The following IL17RD variants were observed in gnomAD, a reference collection of about 807,000 sequenced individuals.
IL17RD encodes the protein interleukin-17 receptor D.
Under a neutral mutation model 80.5 loss-of-function variants are expected in IL17RD, and 52 were observed. The ratio of observed to expected loss-of-function variants is 0.65; its 90% confidence interval spans 0.52 to 0.81. The LOEUF is 0.81. Ranked by LOEUF, IL17RD falls within the 40% of genes least tolerant of loss-of-function variation. IL17RD has a pLI of 0.00. For missense variants in IL17RD, 1,024 were observed against 955.1 expected (o/e 1.07, Z -0.95); for synonymous variants, 416 against 391.8 (o/e 1.06, Z -0.73).
chr3:57,116,834 G>A (rs544557005), intron 2 of IL17RD, among the ~76,000 whole-genome samples: 67 of 149,572 alleles, frequency 4.5e-4, no homozygotes, highest in African/African-American at 1.6e-3. Flanking sequence ...CATGAGTTCT[G>A]AATCAGAGGT....
At chr3:57,144,072 G>A (rs1348081385) in intron 1 of IL17RD, among the ~76,000 whole-genome samples, 1 of 152,148 alleles carries the variant, frequency 6.6e-6, no homozygotes, top group Admixed American at 6.5e-5. Context: ...TCAGCCCAGG[G>A]CAGAATGAGG....
At chr3:57,134,326 G>A (rs577800383) in intron 1 of IL17RD, 34 of 688,754 alleles carry the variant, frequency 4.9e-5, no homozygotes, top group East Asian at 1.1e-4. Flanking sequence ...GCTTGATGCC[G>A]GGAAAACACC....
At chr3:57,101,889 T>C (rs976977031) in intron 10 of IL17RD, among the ~76,000 whole-genome samples, 1 of 152,204 alleles carries the variant, frequency 6.6e-6, no homozygotes, top group African/African-American at 2.4e-5. Flanking sequence ...CTTTTGTAAA[T>C]GACCAAGCCC....
At chr3:57,139,929 C>G (rs1707798539) in intron 1 of IL17RD, among the ~76,000 whole-genome samples, 1 of 152,100 alleles carries the variant, frequency 6.6e-6, no homozygotes, top group Non-Finnish European at 1.5e-5. Flanking sequence ...AAACTCAACT[C>G]CTGGTTTTAC....
At chr3:57,124,033 A>T (rs1213410920) in intron 1 of IL17RD, among the ~76,000 whole-genome samples, 1 of 152,212 alleles carries the variant, frequency 6.6e-6, no homozygotes, top group Non-Finnish European at 1.5e-5. Context: ...TGACAAGAAC[A>T]AAACTCCATC....
At chr3:57,109,723 C>A in intron 4 of IL17RD, 66 bp from the exon 5 acceptor site, 1 of 1,518,738 alleles carries the variant, frequency 6.6e-7, no homozygotes, top group Non-Finnish European at 8.9e-7. Flanking sequence ...TTCATAAGGT[C>A]TTCGCTCCTA....
intron 1 of IL17RD, chr3:57,142,325 T>C (rs1225856999): frequency 2.4e-6 from 1 of 408,176 alleles, no homozygotes; most frequent in East Asian, 7.6e-5. Flanking sequence ...AAAAACAGTG[T>C]CCAGATGTGC....
upstream of IL17RD, among the ~76,000 whole-genome samples, chr3:57,169,787 G>C (rs573018829): frequency 6.6e-6 from 1 of 152,286 alleles, no homozygotes; most frequent in Admixed American, 6.5e-5. Flanking sequence ...CCCAGGCTTT[G>C]GAGGGAGCAG....
upstream of IL17RD, among the ~76,000 whole-genome samples, chr3:57,167,042 C>G (rs2107552758): frequency 6.6e-6 from 1 of 152,320 alleles, no homozygotes; most frequent in East Asian, 1.9e-4. Flanking sequence ...CATCTAGAAC[C>G]AAGGAGTAGA....
At chr3:57,151,337 C>T (rs1391867667) in intron 1 of IL17RD, among the ~76,000 whole-genome samples, 1 of 152,056 alleles carries the variant, frequency 6.6e-6, no homozygotes, top group African/African-American at 2.4e-5. Context: ...ATCCACAGAC[C>T]ATCAGTGAGT....
At chr3:57,112,884 G>A (rs999966806) in intron 3 of IL17RD, among the ~76,000 whole-genome samples, 2 of 152,210 alleles carry the variant, frequency 1.3e-5, no homozygotes, top group African/African-American at 4.8e-5. Context: ...CAAAGCGGCA[G>A]TCCTGAGAAC....
rs116821591 is a variant in IL17RD at position 57,117,768 on chromosome 3, C to G, written c.184+2488G>C. On this transcript the variant is annotated intron_variant, in intron 2 of 12. Coordinates refer to ENST00000296318, the MANE Select transcript of IL17RD (RefSeq NM_017563.5). ...TATGGAATAAGTTTTTCTACACAGC[C>G]TGGATCCAATTACTAGCAAGTCCAA... 9.7e-3 allele frequency among the ~76,000 whole-genome samples: 1,474 copies of G among 152,248 alleles called. 13 individuals carry two copies. Among genetic ancestry groups the G allele is most frequent in the African/African-American group, 0.034 (1,411 of 41,534 alleles).
chr3:57,102,457 G>GAC, intron 10 of IL17RD, 22 bp downstream of exon 10: 1 of 1,385,590 alleles, frequency 7.2e-7, no homozygotes, highest in Non-Finnish European at 1.0e-6. Context: ...GTTGTGGGGA[G>GAC]ACACAGCACA....
At chr3:57,113,911 C>T (rs372125507) in intron 3 of IL17RD, among the ~76,000 whole-genome samples, 40 of 151,992 alleles carry the variant, frequency 2.6e-4, no homozygotes, top group Non-Finnish European at 4.4e-4. Flanking sequence ...TAAAGCTGGG[C>T]GCAGTGGCTC....
At chr3:57,149,801 C>G (rs114871649) in intron 1 of IL17RD, among the ~76,000 whole-genome samples, 234 of 152,302 alleles carry the variant, frequency 1.5e-3, no homozygotes, top group African/African-American at 5.3e-3. Flanking sequence ...GTGACACTCT[C>G]TCATAGCTGG....
intron 1 of IL17RD, among the ~76,000 whole-genome samples, chr3:57,120,817 A>G (rs1707321023): frequency 6.6e-6 from 1 of 152,152 alleles, no homozygotes; most frequent in Non-Finnish European, 1.5e-5. Context: ...GTTACTTTTA[A>G]TGAGAAAATT....
chr3:57,106,463 A>C (rs1706968239), intron 5 of IL17RD, among the ~76,000 whole-genome samples: 1 of 152,340 alleles, frequency 6.6e-6, no homozygotes, highest in South Asian at 2.1e-4. Context: ...CAGCAGAGCT[A>C]TGTTCATGCT....
chr3:57,127,409 TA>T lies in IL17RD; in HGVS notation c.127-7097del, dbSNP rs1248768890. Among the ~76,000 whole-genome samples, 526 of 85,020 alleles carry T rather than the reference TA, an allele frequency of 6.2e-3. 36 individuals carry two copies. Among genetic ancestry groups the T allele is most frequent in the African/African-American group, 0.02 (460 of 23,266 alleles). 55.8% of individuals were successfully genotyped at this position (85,020 alleles called of 152,430 possible). A position where few individuals can be genotyped will look rare whatever the true frequency, so the allele number is the denominator to read the frequency against. On this transcript the variant is annotated intron_variant, in intron 1 of 12. Transcript: ENST00000296318. ...ATAAATAAATAAATATATATATATA[TA>T]TATTTTTTTTTTGAGATAAGAGTCT...
At chr3:57,169,239 G>T, upstream of IL17RD, 1 of 518,972 alleles carries the variant, frequency 1.9e-6, no homozygotes. Flanking sequence ...CACCTGCCAA[G>T]GCCAGGATTG....
Sources: allele counts gnomAD v4.1 joint callset (sites outside exome capture counted in the v4.1 genomes callset), GRCh38; gene constraint gnomAD v4.1.1; transcripts MANE v1.5; gene names NCBI Gene and HGNC (gene_info 2026-07-23, HGNC 2026-07-21).